Variants in AGBL1 observed in about 807,000 individuals in gnomAD.
AGBL1 encodes cytosolic carboxypeptidase 4.
In AGBL1, 130 loss-of-function variants were observed where a neutral mutation model predicts 118.9. The ratio of observed to expected loss-of-function variants is 1.09; its 90% CI spans 0.95 to 1.26. The LOEUF (loss-of-function observed/expected upper bound fraction) is 1.26, where lower values mean the gene tolerates loss of function less well. Ranked by LOEUF, AGBL1 falls within the 50% of genes most tolerant of loss-of-function variation. AGBL1 has a pLI of 0.00. For synonymous variants in AGBL1, 555 were observed against 478.9 expected (o/e 1.16, Z -2.08); for missense variants, 1,584 against 1,298.1 (o/e 1.22, Z -3.38).
At chr15:86,375,719 T>C (rs1181777631) in intron 17 of AGBL1, among the ~76,000 whole-genome samples, 1 of 152,218 alleles carries the variant, frequency 6.6e-6, no homozygotes. Flanking sequence ...GTGTAGCCCT[T>C]AGCTGGCCCT....
chr15:86,366,042 C>T (rs1401743392), intron 17 of AGBL1, among the ~76,000 whole-genome samples: 1 of 152,270 alleles, frequency 6.6e-6, no homozygotes, highest in Non-Finnish European at 1.5e-5. Context: ...TCCTTTAGCC[C>T]TTTGTGTCCC....
At chr15:86,603,718 G>A (rs915868263) in intron 21 of AGBL1, among the ~76,000 whole-genome samples, 4 of 152,092 alleles carry the variant, frequency 2.6e-5, no homozygotes, top group Admixed American at 1.3e-4. Flanking sequence ...TTCAAAAGTT[G>A]CCAAAGTTTA....
intron 17 of AGBL1, among the ~76,000 whole-genome samples, chr15:86,381,016 A>G (rs1401881737): frequency 1.3e-5 from 2 of 152,214 alleles, no homozygotes; most frequent in Non-Finnish European, 2.9e-5. Flanking sequence ...TTAAACACAT[A>G]TACTCAGGGG....
At chr15:86,743,711 T>C (rs1341161334) in intron 22 of AGBL1, among the ~76,000 whole-genome samples, 1 of 152,158 alleles carries the variant, frequency 6.6e-6, no homozygotes, top group South Asian at 2.1e-4. Context: ...GGGATTCTGA[T>C]GCGGATGATC....
At position 86,711,123 on chromosome 15, in the gene AGBL1, A is replaced by G. The variant is rs973466954; in HGVS notation, c.3158+36687A>G. 5.9e-5 allele frequency among the ~76,000 whole-genome samples: 9 copies of G among 152,162 alleles called. No homozygotes were observed. The East Asian group carries it at 9.7e-4, about 16-fold the overall frequency. ...CAATATGCTGTCAAGACTGTGGGTA[A>G]TACTGAGGTCCAAGCTCTGCTGTAC... On this transcript the variant is annotated intron_variant, in intron 22 of 22. Coordinates refer to ENST00000614907, the MANE Select transcript of AGBL1 (RefSeq NM_001386094.1).
intron 17 of AGBL1, among the ~76,000 whole-genome samples, chr15:86,366,849 A>G (rs2080895271): frequency 6.6e-6 from 1 of 152,164 alleles, no homozygotes; most frequent in Non-Finnish European, 1.5e-5. Flanking sequence ...CCATGTGTAA[A>G]ATAAGATGAG....
chr15:86,319,317 C>A (rs960018547), intron 17 of AGBL1, among the ~76,000 whole-genome samples: 6 of 152,280 alleles, frequency 3.9e-5, no homozygotes, highest in African/African-American at 1.4e-4. Context: ...TGCTCTACAT[C>A]CTGGCTAACT....
chr15:86,311,695 C>T (rs542732445), intron 17 of AGBL1, among the ~76,000 whole-genome samples: 12 of 152,210 alleles, frequency 7.9e-5, no homozygotes, highest in African/African-American at 2.2e-4. Flanking sequence ...TACCCAGAGG[C>T]ACCTCATGTG....
At chr15:87,004,293 G>A (rs7496332) in intron 24 of AGBL1, among the ~76,000 whole-genome samples, 15,029 of 151,890 alleles carry the variant, frequency 0.099, 1,325 homozygotes, top group African/African-American at 0.23. Context: ...TGGGGTGTTA[G>A]ACTCCCACAC....
chr15:86,318,871 G>A (rs1031041245), intron 17 of AGBL1, among the ~76,000 whole-genome samples: 7 of 151,970 alleles, frequency 4.6e-5, no homozygotes, highest in Non-Finnish European at 7.4e-5. Context: ...TATATGGTCT[G>A]TGATGTACAT....
At chr15:86,618,858 C>T (rs1485705826) in intron 21 of AGBL1, among the ~76,000 whole-genome samples, 1 of 152,132 alleles carries the variant, frequency 6.6e-6, no homozygotes, top group Admixed American at 6.5e-5. Flanking sequence ...AGGCACATCC[C>T]TATTTTGCTG....
intron 21 of AGBL1, among the ~76,000 whole-genome samples, chr15:86,586,507 G>A (rs2346706): frequency 0.35 from 52,656 of 151,956 alleles, 10,252 homozygotes; most frequent in Non-Finnish European, 0.43. Flanking sequence ...CACACAGAGC[G>A]TAATGATGGC....
chr15:86,298,167 AT>A (rs1479183431), intron 17 of AGBL1, among the ~76,000 whole-genome samples: 1 of 148,986 alleles, frequency 6.7e-6, no homozygotes, highest in Non-Finnish European at 1.5e-5. Context: ...CTGAGATTGC[AT>A]GACCTAAGCC....
At chr15:86,092,317 T>G (rs1896087307) in intron 1 of AGBL1, among the ~76,000 whole-genome samples, 1 of 152,178 alleles carries the variant, frequency 6.6e-6, no homozygotes, top group Non-Finnish European at 1.5e-5. Context: ...TATAAAGCAT[T>G]ATTACAAATG....
chr15:86,112,833 A>G lies in AGBL1; in HGVS notation c.52-29171A>G, dbSNP rs574664504. 9.7e-4 allele frequency among the ~76,000 whole-genome samples: 148 copies of G among 152,230 alleles called. 7 individuals are homozygous for G. In the South Asian group the frequency reaches 0.028, roughly 29 times the overall value. ...ATTCATTTTAATTTGCATTTCTTTG[A>G]TTACTAATGTAACTGATTTTTTTTT... On this transcript the variant is annotated intron_variant, in intron 1 of 22. Coordinates refer to ENST00000614907, the MANE Select transcript of AGBL1 (RefSeq NM_001386094.1).
intron 21 of AGBL1, among the ~76,000 whole-genome samples, chr15:86,663,569 G>C (rs2085584896): frequency 6.6e-6 from 1 of 152,102 alleles, no homozygotes; most frequent in Admixed American, 6.6e-5. Context: ...GCAAAGGGGA[G>C]GGAGGCAGGC....
chr15:86,650,406 T>A (rs1397982324), intron 21 of AGBL1, among the ~76,000 whole-genome samples: 1 of 152,166 alleles, frequency 6.6e-6, no homozygotes, highest in African/African-American at 2.4e-5. Context: ...TCTCTGACAC[T>A]ATGGGGGATA....
chr15:86,370,346 C>G (rs2080954412), intron 17 of AGBL1, among the ~76,000 whole-genome samples: 1 of 150,718 alleles, frequency 6.6e-6, no homozygotes, highest in South Asian at 2.1e-4. Context: ...ACTCTGTCAC[C>G]CAGGCTGGAG....
intron 24 of AGBL1, among the ~76,000 whole-genome samples, chr15:86,990,366 T>C (rs2081325916): frequency 6.6e-6 from 1 of 152,040 alleles, no homozygotes; most frequent in South Asian, 2.1e-4. Flanking sequence ...AATACAAAAA[T>C]TAGCCACGCG....
Sources: allele counts gnomAD v4.1 joint callset (sites outside exome capture counted in the v4.1 genomes callset), GRCh38; gene constraint gnomAD v4.1.1; transcripts MANE v1.5; gene names NCBI Gene and HGNC (gene_info 2026-07-23, HGNC 2026-07-21).